The following ANO10 variants were observed in gnomAD, a reference collection of about 807,000 sequenced individuals.
ANO10 encodes the protein anoctamin-10.
In ANO10, 77 loss-of-function variants were observed where a neutral mutation model predicts 74.7. The observed-to-expected ratio is 1.03, with a 90% CI of 0.86 to 1.25. ANO10 has a LOEUF of 1.25. Among genes scored for constraint, ANO10 ranks in the 50% most tolerant of loss-of-function variants. The pLI is 0.00. For missense variants in ANO10, 721 were observed against 778.1 expected, an observed-to-expected ratio of 0.93 and a Z score of 0.87; for synonymous variants, 279 against 284.9, an observed-to-expected ratio of 0.98 and a Z score of 0.21.
At chr3:43,451,245 G>T (rs2074854086) in intron 11 of ANO10, among the ~76,000 whole-genome samples, 1 of 152,124 alleles carries the variant, frequency 6.6e-6, no homozygotes, top group Admixed American at 6.6e-5. Flanking sequence ...TGCTGCAAGG[G>T]CTACTAGAAG....
intron 11 of ANO10, among the ~76,000 whole-genome samples, chr3:43,496,161 C>T (rs1449378066): frequency 6.6e-6 from 1 of 152,046 alleles, no homozygotes; most frequent in African/African-American, 2.4e-5. Flanking sequence ...AATATATACT[C>T]TATTGAAAAA....
At chr3:43,439,601 T>C (rs1049741620) in intron 11 of ANO10, among the ~76,000 whole-genome samples, 1 of 152,178 alleles carries the variant, frequency 6.6e-6, no homozygotes, top group South Asian at 2.1e-4. Context: ...AAAATGTAAT[T>C]TGTGGCTGGG....
chr3:43,421,329 TG>T (rs2092817180), intron 12 of ANO10, among the ~76,000 whole-genome samples: 1 of 152,006 alleles, frequency 6.6e-6, no homozygotes, highest in Non-Finnish European at 1.5e-5. Flanking sequence ...TAGACCAGCC[TG>T]GGGAACATGG....
chr3:43,662,965 A>G (rs2083944128), intron 1 of ANO10, among the ~76,000 whole-genome samples: 2 of 152,238 alleles, frequency 1.3e-5, no homozygotes, highest in Admixed American at 6.5e-5. Context: ...CCAGAGGTAC[A>G]AAGAGGAGCT....
intron 1 of ANO10, among the ~76,000 whole-genome samples, chr3:43,660,848 G>A (rs1466880818): frequency 1.3e-5 from 2 of 152,142 alleles, no homozygotes; most frequent in Non-Finnish European, 2.9e-5. Flanking sequence ...TAGCTACTCA[G>A]GACGCCAAGG....
intron 11 of ANO10, among the ~76,000 whole-genome samples, chr3:43,449,757 T>TG (rs2074772825): frequency 6.6e-6 from 1 of 152,182 alleles, no homozygotes; most frequent in Non-Finnish European, 1.5e-5. Context: ...AGCATTGTGT[T>TG]GGCTATTTTG....
intron 12 of ANO10, among the ~76,000 whole-genome samples, chr3:43,419,347 A>G (rs2092787448): frequency 6.6e-6 from 1 of 152,250 alleles, no homozygotes; most frequent in East Asian, 1.9e-4. Context: ...ACTGTAGAAC[A>G]TCGTAGAAGC....
chr3:43,456,270 A>G (rs971194023), intron 11 of ANO10, among the ~76,000 whole-genome samples: 3 of 152,222 alleles, frequency 2.0e-5, no homozygotes, highest in Admixed American at 6.5e-5. Flanking sequence ...GTCACCTTTT[A>G]TACAAAATGT....
chr3:43,412,145 A>G (rs1313515821), intron 12 of ANO10, among the ~76,000 whole-genome samples: 1 of 151,720 alleles, frequency 6.6e-6, no homozygotes, highest in African/African-American at 2.4e-5. Flanking sequence ...TGGCTCAAAT[A>G]AGATTCCTGA....
intron 1 of ANO10, among the ~76,000 whole-genome samples, chr3:43,666,286 A>G (rs1031810521): frequency 5.3e-5 from 8 of 152,284 alleles, no homozygotes; most frequent in Non-Finnish European, 1.0e-4. Context: ...TGATTCAAAC[A>G]ACTGGAAAAG....
At chr3:43,378,816 G>A (rs1037640864) in intron 12 of ANO10, among the ~76,000 whole-genome samples, 4 of 152,136 alleles carry the variant, frequency 2.6e-5, no homozygotes, top group African/African-American at 7.2e-5. Context: ...GACTATGCTT[G>A]ATTTTTGTGT....
chr3:43,616,343 T>C (rs1160783020), intron 1 of ANO10, among the ~76,000 whole-genome samples: 1 of 152,180 alleles, frequency 6.6e-6, no homozygotes, highest in Non-Finnish European at 1.5e-5. Context: ...CACCATGCCA[T>C]CAGAAGACAA....
intron 11 of ANO10, among the ~76,000 whole-genome samples, chr3:43,534,353 T>C (rs764037217): frequency 6.2e-4 from 95 of 152,296 alleles, no homozygotes; most frequent in Non-Finnish European, 1.3e-3. Flanking sequence ...AAGAGCTGAG[T>C]AGAAATGCTT....
At chr3:43,591,740 T>C (rs564079717) in intron 4 of ANO10, among the ~76,000 whole-genome samples, 8 of 152,188 alleles carry the variant, frequency 5.3e-5, no homozygotes, top group African/African-American at 9.6e-5. Flanking sequence ...TGGGGCTCGT[T>C]GGACGGTGGG....
intron 12 of ANO10, among the ~76,000 whole-genome samples, chr3:43,427,146 A>AT (rs920983774): frequency 8.5e-5 from 13 of 152,150 alleles, no homozygotes; most frequent in Admixed American, 2.0e-4. Context: ...ATGAAAAAAA[A>AT]ATATATAAAA....
At position 43,387,592 on chromosome 3, in the gene ANO10, G is replaced by T. The variant is rs536156368; in HGVS notation, c.1915-20618C>A. Among the ~76,000 whole-genome samples the T allele has an allele frequency of 1.1e-4, 17 of 152,282 alleles. No homozygotes were observed. The East Asian group carries it at 3.3e-3, about 29-fold the overall frequency. The stretch of plus-strand genomic sequence containing the variant: ...TTTTCCCCAGATATTCTAAAGAAAG[G>T]TCTGTGAAGAGAGACGGCAGCTTCT... On this transcript the variant is annotated intron_variant, in intron 12 of 12. Coordinates refer to ENST00000292246, the MANE Select transcript of ANO10 (RefSeq NM_018075.5).
chr3:43,608,572 T>C (rs1287582883), intron 1 of ANO10, among the ~76,000 whole-genome samples: 1 of 152,066 alleles, frequency 6.6e-6, no homozygotes, highest in Admixed American at 6.5e-5. Flanking sequence ...GCACATGGCC[T>C]TTGTTTTGTT....
At chr3:43,642,306 TTCC>T (rs1188904929) in intron 1 of ANO10, among the ~76,000 whole-genome samples, 1 of 152,228 alleles carries the variant, frequency 6.6e-6, no homozygotes, top group Non-Finnish European at 1.5e-5. Context: ...TAGTGTTTCT[TTCC>T]TCCTAATTCA....
At chr3:43,480,849 CCAAA>C (rs778614034) in intron 11 of ANO10, among the ~76,000 whole-genome samples, 1 of 152,012 alleles carries the variant, frequency 6.6e-6, no homozygotes, top group Non-Finnish European at 1.5e-5. Flanking sequence ...TACACAGAAA[CCAAA>C]CAAAGAAAAA....
Sources: allele counts gnomAD v4.1 joint callset (sites outside exome capture counted in the v4.1 genomes callset), GRCh38; gene constraint gnomAD v4.1.1; transcripts MANE v1.5; gene names NCBI Gene and HGNC (gene_info 2026-07-23, HGNC 2026-07-21).